FAM193A: variants seen among roughly 807,000 people sequenced by gnomAD.
FAM193A encodes the protein family with sequence similarity 193 member A, also known as protein FAM193A.
FAM193A carries 22 observed loss-of-function variants against 126.5 expected under a neutral mutation model. That is an observed-to-expected ratio of 0.17 (90% CI 0.12 to 0.25). The LOEUF (loss-of-function observed/expected upper bound fraction) is 0.25. Ranked by LOEUF, FAM193A falls within the 10% of genes least tolerant of loss-of-function variation. The pLI, the probability that FAM193A is intolerant of heterozygous loss-of-function variation, is 1.00. For synonymous variants in FAM193A, 761 were observed against 646.8 expected, an observed-to-expected ratio of 1.18 and a Z score of -2.68; for missense variants, 1,675 against 1,672.8, an observed-to-expected ratio of 1.00 and a Z score of -0.02.
intron 2 of FAM193A, 98 bp from the exon 3 acceptor site, chr4:2,625,164 C>A: frequency 1.7e-6 from 1 of 595,134 alleles, no homozygotes; most frequent in Non-Finnish European, 3.0e-6. Context: ...TTAGGTTTTA[C>A]AGTTTTTTAA....
intron 6 of FAM193A, among the ~76,000 whole-genome samples, chr4:2,640,408 T>G (rs546850333): frequency 6.6e-6 from 1 of 152,294 alleles, no homozygotes; most frequent in East Asian, 1.9e-4. Flanking sequence ...AGTCACTCAC[T>G]GAGTATTTGC....
intron 1 of FAM193A, among the ~76,000 whole-genome samples, chr4:2,552,893 G>A (rs1210817453): frequency 1.3e-4 from 19 of 146,690 alleles, no homozygotes; most frequent in African/African-American, 4.9e-4. Context: ...CATCGTCCAG[G>A]CTGGAGTGCA....
At chr4:2,657,525 T>C (rs576865665) in intron 7 of FAM193A, among the ~76,000 whole-genome samples, 12 of 152,340 alleles carry the variant, frequency 7.9e-5, no homozygotes, top group African/African-American at 2.9e-4. Context: ...TGAATGTTCA[T>C]CCACTGTATT....
intron 19 of FAM193A, chr4:2,708,417 G>A (rs1718549933): frequency 6.4e-6 from 1 of 157,146 alleles, no homozygotes; most frequent in Non-Finnish European, 1.4e-5. Context: ...GAGCCACCAC[G>A]CCCGGCTGTA....
intron 13 of FAM193A, 82 bp from the exon 14 acceptor site, chr4:2,689,424 A>G: frequency 9.9e-7 from 1 of 1,007,124 alleles, no homozygotes; most frequent in Non-Finnish European, 1.4e-6. Context: ...CTCATAATGA[A>G]TTGTCTGTCT....
chr4:2,673,484 T>C (rs1468931579), intron 13 of FAM193A, among the ~76,000 whole-genome samples: 1 of 152,222 alleles, frequency 6.6e-6, no homozygotes, highest in Non-Finnish European at 1.5e-5. Flanking sequence ...GCCACATCTA[T>C]TGTAATTACT....
intron 20 of FAM193A, among the ~76,000 whole-genome samples, chr4:2,727,952 A>T (rs922993696): frequency 1.1e-4 from 16 of 149,052 alleles, no homozygotes; most frequent in African/African-American, 2.4e-4. Flanking sequence ...TATTTTATTT[A>T]TTTTTTTTTT....
chr4:2,698,642 C>G (rs1213760614), intron 18 of FAM193A, among the ~76,000 whole-genome samples: 1 of 152,062 alleles, frequency 6.6e-6, no homozygotes, highest in African/African-American at 2.4e-5. Context: ...AGGAGAAATG[C>G]TTTTGGCAGA....
intron 12 of FAM193A, among the ~76,000 whole-genome samples, chr4:2,667,253 C>G (rs1713225223): frequency 6.6e-6 from 1 of 152,200 alleles, no homozygotes; most frequent in Non-Finnish European, 1.5e-5. Context: ...ACAGTAACCC[C>G]ATTCCTGAGA....
At chr4:2,666,376 TA>T (rs1333649935) in intron 12 of FAM193A, among the ~76,000 whole-genome samples, 2 of 152,230 alleles carry the variant, frequency 1.3e-5, no homozygotes, top group Non-Finnish European at 2.9e-5. Flanking sequence ...GGCGGTGGTA[TA>T]TAATCCTTTT....
chr4:2,671,855 A>G (rs139683736), intron 12 of FAM193A, among the ~76,000 whole-genome samples: 6 of 152,218 alleles, frequency 3.9e-5, no homozygotes, highest in Non-Finnish European at 7.3e-5. Flanking sequence ...GATTTTCTGC[A>G]TAGGCATAGG....
At chr4:2,701,553 A>G (rs1357925512) in intron 19 of FAM193A, among the ~76,000 whole-genome samples, 1 of 152,138 alleles carries the variant, frequency 6.6e-6, no homozygotes, top group Non-Finnish European at 1.5e-5. Flanking sequence ...CCCACCAGGA[A>G]GTGGGTGACG....
chr4:2,662,819 C>G lies in FAM193A; in HGVS notation c.1746-19C>G. 1 of 1,595,512 alleles carries G rather than the reference C, an allele frequency of 6.3e-7. No individual in the cohort carries two copies. The highest frequency in any genetic ancestry group is 8.6e-7 in the Non-Finnish European group (1 of 1,164,846). ...TCACAATTGAATGACCTCACAGTGACCATCTCTGCTTGTGTCAGTTGTAGT... is the reference window on the plus strand; with the variant it reads ...TCACAATTGAATGACCTCACAGTGAGCATCTCTGCTTGTGTCAGTTGTAGT... On this transcript the variant is annotated intron_variant, in intron 10 of 20. Transcript: ENST00000637812.
In FAM193A at chr4:2,715,972, A is replaced by G. The variant is rs375455637; in HGVS notation, c.4373-51A>G. 7.0e-6 allele frequency: 7 copies of G among 996,158 alleles called. No homozygotes were observed. In the African/African-American group the frequency reaches 1.1e-4, roughly 16 times the overall value. The allele number at this position is 996,158 out of a possible 1,614,324, so 61.7% of individuals were successfully genotyped here. A position where few individuals can be genotyped will look rare whatever the true frequency, so the allele number is the denominator to read the frequency against. ...GACAAATGATTTCTTCCGTTCTGAT[A>G]AGATAGCCTGCTGCTGTAATTTGAC... On this transcript the variant is annotated intron_variant, in intron 19 of 20. Transcript: ENST00000637812.
intron 20 of FAM193A, among the ~76,000 whole-genome samples, chr4:2,719,552 C>T (rs1174781769): frequency 6.6e-6 from 1 of 152,010 alleles, no homozygotes; most frequent in Admixed American, 6.6e-5. Context: ...TTGAGATCAG[C>T]CTGACCAACA....
chr4:2,576,108 A>T lies in FAM193A; in HGVS notation c.256-19976A>T, dbSNP rs146043168. ...TACCCAGTTATTTATTTATTTATTT[A>T]TTTTTTGAGATGGAGTCCCACATTG... On this transcript the variant is annotated intron_variant, in intron 1 of 20. Transcript: ENST00000637812. Among the ~76,000 whole-genome samples the T allele has an allele frequency of 3.2e-3, 492 of 151,860 alleles. 1 individual carries two copies. Among genetic ancestry groups the T allele is most frequent in the Non-Finnish European group, 4.0e-3 (271 of 67,938 alleles).
At position 2,701,350 on chromosome 4, in the gene FAM193A, G is replaced by A. The variant is rs187188439; in HGVS notation, c.4372+806G>A. ...GGGATCCAATCCAGGATCCCATGTC[G>A]TATCTCTTTAATTTCCTTTCCTTTG... is the stretch of plus-strand genomic sequence containing the variant. On this transcript the variant is annotated intron_variant, in intron 19 of 20. Transcript: ENST00000637812. Among the ~76,000 whole-genome samples the A allele has an allele frequency of 2.9e-4, 43 of 149,892 alleles. 1 individual carries two copies. The highest frequency in any genetic ancestry group is 8.6e-4 in the African/African-American group (35 of 40,854).
chr4:2,536,025 A>G (rs887890571), upstream of FAM193A, among the ~76,000 whole-genome samples: 1 of 152,004 alleles, frequency 6.6e-6, no homozygotes. Context: ...GTCCTCACTG[A>G]GTCATCTGGA....
chr4:2,688,498 A>G (rs1715997873), intron 13 of FAM193A, among the ~76,000 whole-genome samples: 1 of 152,024 alleles, frequency 6.6e-6, no homozygotes, highest in African/African-American at 2.4e-5. Context: ...AGGGCCAAGA[A>G]GGTGAATAGG....
Sources: gnomAD v4.1 joint callset for allele counts (sites outside exome capture counted in the v4.1 genomes callset) on GRCh38, gnomAD v4.1.1 for gene constraint, MANE v1.5 for transcripts, NCBI Gene and HGNC (gene_info 2026-07-23, HGNC 2026-07-21) for gene names.